The following PCDHA4 variants were observed in gnomAD, a reference collection of about 807,000 sequenced individuals.
PCDHA4 encodes protocadherin alpha 4.
A neutral mutation model predicts 61.4 loss-of-function variants in PCDHA4; 49 were observed. The observed-to-expected ratio is 0.80, with a 90% CI of 0.63 to 1.01. The LOEUF (loss-of-function observed/expected upper bound fraction) is 1.01. Among genes scored for constraint, PCDHA4 ranks in the 50% least tolerant of loss-of-function variants. The pLI is 0.00. For synonymous variants in PCDHA4, 590 were observed against 550.3 expected, an observed-to-expected ratio of 1.07 and a Z score of -1.01; for missense variants, 1,254 against 1,235.8, an observed-to-expected ratio of 1.01 and a Z score of -0.22.
At chr5:140,829,337 G>A (rs2150166119) in intron 1 of PCDHA4, 57 of 1,614,146 alleles carry the variant, frequency 3.5e-5, no homozygotes, top group Non-Finnish European at 4.6e-5. Flanking sequence ...CCTGGACCGC[G>A]AGAGCGTGTC....
intron 1 of PCDHA4, among the ~76,000 whole-genome samples, chr5:140,976,934 C>T (rs995021593): frequency 1.3e-5 from 2 of 152,170 alleles, no homozygotes; most frequent in African/African-American, 2.4e-5. Context: ...TGTGTAGCTA[C>T]TTAAAACATA....
chr5:140,914,145 G>A lies in PCDHA4; in HGVS notation c.2386-64804G>A, dbSNP rs2076623510. Among the ~76,000 whole-genome samples the A allele has an allele frequency of 3.3e-5, 5 of 152,138 alleles. 1 individual carries two copies. The South Asian group carries it at 1.0e-3, about 32-fold the overall frequency. On this transcript the variant is annotated intron_variant, in intron 1 of 3. Transcript: ENST00000530339. ...TTCTTTGTTGAGTTTTTGTCTGTCAGTTCTGTCCAATACGGAAAGTGGGGT... is the reference window on the plus strand; with the variant it reads ...TTCTTTGTTGAGTTTTTGTCTGTCAATTCTGTCCAATACGGAAAGTGGGGT...
At chr5:141,006,007 T>C (rs1554260471) in intron 3 of PCDHA4, among the ~76,000 whole-genome samples, 1 of 151,298 alleles carries the variant, frequency 6.6e-6, no homozygotes, top group African/African-American at 2.4e-5. Flanking sequence ...AGAAGGCCTG[T>C]ATGGTTGGAG....
At chr5:140,834,079 C>T (rs1300614234) in intron 1 of PCDHA4, among the ~76,000 whole-genome samples, 1 of 152,142 alleles carries the variant, frequency 6.6e-6, no homozygotes, top group African/African-American at 2.4e-5. Context: ...GCTATTTTAA[C>T]CTTTAACAAC....
At chr5:140,856,906 C>A (rs2044264701) in intron 1 of PCDHA4, 5 of 1,596,020 alleles carry the variant, frequency 3.1e-6, no homozygotes, top group Non-Finnish European at 2.6e-6. Flanking sequence ...TGGTCCCACC[C>A]ACGATAAGAA....
chr5:140,941,961 T>A (rs150142414), intron 1 of PCDHA4, among the ~76,000 whole-genome samples: 2 of 152,214 alleles, frequency 1.3e-5, no homozygotes, highest in African/African-American at 4.8e-5. Flanking sequence ...AACAATAGTA[T>A]CTTTACTTTC....
intron 1 of PCDHA4, among the ~76,000 whole-genome samples, chr5:140,944,988 G>A (rs1554216650): frequency 6.6e-6 from 1 of 152,048 alleles, no homozygotes; most frequent in Non-Finnish European, 1.5e-5. Flanking sequence ...GTCTACTTCT[G>A]TAACGGTTGT....
At chr5:140,829,748 G>C in intron 1 of PCDHA4, 1 of 1,613,722 alleles carries the variant, frequency 6.2e-7, no homozygotes, top group Non-Finnish European at 8.5e-7. Context: ...GACGCTGCAG[G>C]TGTTCGTGCT....
At chr5:140,899,693 A>G (rs1269311819) in intron 1 of PCDHA4, among the ~76,000 whole-genome samples, 1 of 152,240 alleles carries the variant, frequency 6.6e-6, no homozygotes, top group East Asian at 1.9e-4. Flanking sequence ...TGCTGGCCTC[A>G]TAAAATGAGT....
At chr5:140,996,697 C>T (rs559736986) in intron 3 of PCDHA4, among the ~76,000 whole-genome samples, 1 of 152,236 alleles carries the variant, frequency 6.6e-6, no homozygotes, top group East Asian at 1.9e-4. Flanking sequence ...TCTTCTGAAC[C>T]TCTATCTCTT....
intron 1 of PCDHA4, chr5:140,863,358 G>A (rs1432906108): frequency 8.0e-7 from 1 of 1,243,310 alleles, no homozygotes; most frequent in Non-Finnish European, 1.1e-6. Context: ...CGACGCTGCG[G>A]TGCTTGGCGC....
At chr5:140,887,984 A>G (rs2061657027) in intron 1 of PCDHA4, among the ~76,000 whole-genome samples, 1 of 152,178 alleles carries the variant, frequency 6.6e-6, no homozygotes, top group Admixed American at 6.5e-5. Context: ...TTTATTTTAC[A>G]TGTCTCCACC....
intron 1 of PCDHA4, among the ~76,000 whole-genome samples, chr5:140,915,626 G>GTTTCTC (rs149393620): frequency 6.8e-6 from 1 of 146,436 alleles, no homozygotes; most frequent in African/African-American, 2.5e-5. Context: ...GTCTCTTTCT[G>GTTTCTC]TCTCTCTCTC....
rs782708840 is a variant in PCDHA4 at position 140,808,382 on chromosome 5, T to C, written c.1195T>C (p.Ser399Pro). ...LTSHVPFKLV[S>P]TFKNYYSLVL... ...GTCCCACGTCCCCTTCAAGCTGGTG[T>C]CCACCTTCAAGAATTACTACTCGTT... The change falls in exon 1 of 4, where the codon TCC becomes CCC. Residue 399 changes from serine (S) to proline (P), a missense_variant. Ser to Pro is a moderately conservative substitution (Grantham distance 74). Coordinates refer to ENST00000530339, the MANE Select transcript of PCDHA4 (RefSeq NM_018907.4). 2 of 1,614,186 alleles carry C rather than the reference T, an allele frequency of 1.2e-6. No homozygotes were observed. Among genetic ancestry groups the C allele is most frequent in the Non-Finnish European group, 1.7e-6 (2 of 1,180,054 alleles).
At chr5:140,974,614 C>T (rs757071183) in intron 1 of PCDHA4, among the ~76,000 whole-genome samples, 3 of 152,070 alleles carry the variant, frequency 2.0e-5, no homozygotes, top group East Asian at 1.9e-4. Context: ...AGGGTTCAAG[C>T]GATTCTCCTG....
intron 1 of PCDHA4, among the ~76,000 whole-genome samples, chr5:140,952,040 G>T (rs1243206064): frequency 1.3e-5 from 2 of 152,216 alleles, no homozygotes; most frequent in African/African-American, 4.8e-5. Context: ...CAGTAGGGCA[G>T]TTATTAAATC....
At chr5:140,829,578 A>G in intron 1 of PCDHA4, 1 of 1,612,330 alleles carries the variant, frequency 6.2e-7, no homozygotes, top group East Asian at 2.2e-5. Context: ...TCGCTGGTGG[A>G]GCGGCGGGTG....
intron 1 of PCDHA4, among the ~76,000 whole-genome samples, chr5:140,826,374 T>C (rs1440131639): frequency 6.6e-6 from 1 of 152,198 alleles, no homozygotes; most frequent in Non-Finnish European, 1.5e-5. Context: ...CAATAGAAAG[T>C]CAGTGATAAG....
intron 1 of PCDHA4, among the ~76,000 whole-genome samples, chr5:140,951,891 C>T (rs913687305): frequency 1.3e-5 from 2 of 152,110 alleles, no homozygotes; most frequent in Non-Finnish European, 2.9e-5. Context: ...TCTCTTCTGC[C>T]TATGAGCCTG....
Sources: gnomAD v4.1 joint callset for allele counts (sites outside exome capture counted in the v4.1 genomes callset) on GRCh38, gnomAD v4.1.1 for gene constraint, MANE v1.5 for transcripts, NCBI Gene and HGNC (gene_info 2026-07-23, HGNC 2026-07-21) for gene names.